The following CTBP2 variants were observed in gnomAD, a reference collection of about 807,000 sequenced individuals.
CTBP2 encodes C-terminal-binding protein 2.
A neutral mutation model predicts 80.3 loss-of-function variants in CTBP2; 30 were observed. The ratio of observed to expected loss-of-function variants is 0.37; its 90% CI spans 0.28 to 0.51. The LOEUF (loss-of-function observed/expected upper bound fraction) is 0.51. CTBP2 is among the 20% of genes least tolerant of loss of function. The pLI is 0.93. For missense variants in CTBP2, 1,212 were observed against 1,375.3 expected (o/e 0.88, Z 1.88); for synonymous variants, 594 against 587.4 (o/e 1.01, Z -0.16).
intron 2 of CTBP2, chr10:125,088,391 T>G (rs1343804910): frequency 6.6e-6 from 1 of 151,962 alleles, no homozygotes; most frequent in Non-Finnish European, 1.5e-5. Context: ...TGACCCCAAA[T>G]CAAGAGTTAT....
intron 1 of CTBP2, among the ~76,000 whole-genome samples, chr10:125,126,924 TTCTC>T (rs67378138): frequency 3.2e-4 from 45 of 138,604 alleles, no homozygotes; most frequent in African/African-American, 6.0e-4. Flanking sequence ...CACACACACA[TTCTC>T]TCTCTCTCTC....
At chr10:125,131,822 C>CT (rs1021463987) in intron 1 of CTBP2, among the ~76,000 whole-genome samples, 1 of 152,206 alleles carries the variant, frequency 6.6e-6, no homozygotes, top group Non-Finnish European at 1.5e-5. Flanking sequence ...AGGAGAAAAA[C>CT]TGAGCAAGGC....
intron 2 of CTBP2, among the ~76,000 whole-genome samples, chr10:125,065,425 C>A (rs1844472121): frequency 6.6e-6 from 1 of 152,176 alleles, no homozygotes; most frequent in South Asian, 2.1e-4. Flanking sequence ...ACCTGACTGT[C>A]AACTTCAGCA....
intron 1 of CTBP2, among the ~76,000 whole-genome samples, chr10:125,155,684 TAAAA>T (rs35676871): frequency 8.3e-5 from 12 of 144,336 alleles, no homozygotes; most frequent in Admixed American, 2.8e-4. Context: ...AAGATAGGAT[TAAAA>T]AAAAAAAAAC....
intron 1 of CTBP2, among the ~76,000 whole-genome samples, chr10:125,008,600 C>T (rs543304156): frequency 3.2e-4 from 48 of 152,348 alleles, no homozygotes; most frequent in African/African-American, 9.9e-4. Flanking sequence ...CTTCCACAGA[C>T]GGGAGATCCA....
At chr10:125,126,912 TAC>T (rs34246502) in intron 1 of CTBP2, among the ~76,000 whole-genome samples, 36 of 150,658 alleles carry the variant, frequency 2.4e-4, no homozygotes, top group African/African-American at 8.6e-4. Context: ...CACACGTGCA[TAC>T]ACACACACAT....
chr10:125,028,999 C>T (rs1177610475), upstream of CTBP2, among the ~76,000 whole-genome samples: 5 of 152,182 alleles, frequency 3.3e-5, no homozygotes, highest in Non-Finnish European at 1.5e-5. Flanking sequence ...CAGACTAACA[C>T]GGTAGGTTCC....
rs758573573 is a variant in CTBP2, at chr10:124,988,335, A to C, written c.*1183T>G. 6.6e-6 allele frequency: 1 copy of C among 152,662 alleles called. No individual in the cohort carries two copies. Among genetic ancestry groups the C allele is most frequent in the African/African-American group, 2.4e-5 (1 of 41,460 alleles). 9.5% of individuals were successfully genotyped at this position (152,662 alleles called of 1,614,324 possible). ...ATGTACTTGAATTTCAGAACTTAAC[A>C]AATTTTAATTACTTTTTATTGAAAA... On this transcript the variant is annotated 3_prime_UTR_variant, in exon 9 of 9. Transcript: ENST00000309035.
At chr10:125,038,233 G>T (rs1391512588) in intron 3 of CTBP2, among the ~76,000 whole-genome samples, 1 of 152,206 alleles carries the variant, frequency 6.6e-6, no homozygotes, top group African/African-American at 2.4e-5. Flanking sequence ...AAACTGGTGG[G>T]TCAGCTACTA....
chr10:125,129,918 C>A (rs1230675532), intron 1 of CTBP2, among the ~76,000 whole-genome samples: 1 of 152,120 alleles, frequency 6.6e-6, no homozygotes, highest in East Asian at 1.9e-4. Context: ...AAACAGAGGA[C>A]CCTGCACCGA....
chr10:125,030,261 C>T (rs547660893), upstream of CTBP2, among the ~76,000 whole-genome samples: 2 of 152,060 alleles, frequency 1.3e-5, no homozygotes, highest in African/African-American at 2.4e-5. Flanking sequence ...ATACATCTCA[C>T]GGGCTTAATT....
intron 1 of CTBP2, among the ~76,000 whole-genome samples, chr10:125,013,076 C>T (rs1249797268): frequency 1.3e-5 from 2 of 152,294 alleles, no homozygotes; most frequent in East Asian, 1.9e-4. Flanking sequence ...CCTTCTGTCT[C>T]GAGGGTGGCA....
At chr10:125,105,069 C>T (rs1311265476) in intron 2 of CTBP2, among the ~76,000 whole-genome samples, 1 of 152,216 alleles carries the variant, frequency 6.6e-6, no homozygotes, top group Non-Finnish European at 1.5e-5. Context: ...GGTGTGATCA[C>T]AGTGCACTGC....
At chr10:125,161,815 G>A (rs1861916343), upstream of CTBP2, among the ~76,000 whole-genome samples, 1 of 152,130 alleles carries the variant, frequency 6.6e-6, no homozygotes. Context: ...AGGGAGGCGC[G>A]CTGCGGCGTG....
chr10:125,119,414 A>G (rs1363752245), intron 1 of CTBP2, among the ~76,000 whole-genome samples: 9 of 152,236 alleles, frequency 5.9e-5, no homozygotes, highest in Non-Finnish European at 1.2e-4. Flanking sequence ...AGTGGTCAAG[A>G]TGTACCAGAC....
chr10:125,122,384 A>T (rs1448619519), intron 1 of CTBP2, among the ~76,000 whole-genome samples: 1 of 152,214 alleles, frequency 6.6e-6, no homozygotes, highest in Non-Finnish European at 1.5e-5. Context: ...CAACATTTTC[A>T]CTGTGAGATT....
intron 2 of CTBP2, 112 bp from the exon 5 acceptor site, chr10:125,003,216 C>G: frequency 3.2e-6 from 5 of 1,582,312 alleles, no homozygotes; most frequent in Non-Finnish European, 3.4e-6. Flanking sequence ...AGGAGTTCAG[C>G]AGGAAAGCAG....
intron 2 of CTBP2, among the ~76,000 whole-genome samples, chr10:125,044,058 T>C (rs1960589324): frequency 6.6e-6 from 1 of 152,132 alleles, no homozygotes; most frequent in Admixed American, 6.6e-5. Context: ...GACTTTCTGT[T>C]TGAGAGGTTG....
At chr10:125,090,236 C>T (rs1191313780) in intron 2 of CTBP2, among the ~76,000 whole-genome samples, 1 of 141,640 alleles carries the variant, frequency 7.1e-6, no homozygotes, top group African/African-American at 2.7e-5. Flanking sequence ...TGCGGTGAGC[C>T]GAGATCATGC....
Sources: gnomAD v4.1 joint callset for allele counts (sites outside exome capture counted in the v4.1 genomes callset) on GRCh38, gnomAD v4.1.1 for gene constraint, MANE v1.5 for transcripts, NCBI Gene and HGNC (gene_info 2026-07-23, HGNC 2026-07-21) for gene names.